Variants in EHD2 observed in about 807,000 individuals in gnomAD.
The protein encoded by EHD2 is EH domain-containing protein 2.
Under a neutral mutation model 41.0 loss-of-function variants are expected in EHD2, and 27 were observed. The observed-to-expected ratio is 0.66, with a 90% confidence interval of 0.49 to 0.91. The LOEUF is 0.91. Among genes scored for constraint, EHD2 ranks in the 40% least tolerant of loss-of-function variants. The probability of loss-of-function intolerance (pLI) is 0.00; values close to 1 mark genes in which losing one functional copy is unlikely to be tolerated. For synonymous variants in EHD2, 342 were observed against 341.0 expected (o/e 1.00, Z -0.03); for missense variants, 673 against 773.9 (o/e 0.87, Z 1.55).
intron 5 of EHD2, among the ~76,000 whole-genome samples, chr19:47,740,537 G>A (rs890970225): frequency 6.6e-6 from 1 of 152,032 alleles, no homozygotes; most frequent in Non-Finnish European, 1.5e-5. Flanking sequence ...CATGAGGTCA[G>A]GAGTTCGAGA....
At chr19:47,722,281 C>A (rs997978288) in intron 3 of EHD2, among the ~76,000 whole-genome samples, 15 of 152,140 alleles carry the variant, frequency 9.9e-5, no homozygotes, top group African/African-American at 3.4e-4. Flanking sequence ...CTTCCCTCCC[C>A]GCCCCATGAG....
Position 47,741,035 on chromosome 19 carries a change from G to C in EHD2, c.1235G>C (p.Gly412Ala). 1 of 1,609,832 alleles carries C rather than the reference G, an allele frequency of 6.2e-7. No homozygotes were observed. The highest frequency in any genetic ancestry group is 8.5e-7 in the Non-Finnish European group (1 of 1,179,644). Residue 412 changes from glycine to alanine, a missense_variant, in exon 6 of 6, where the codon GGC becomes GCC. Coordinates refer to ENST00000263277, the MANE Select transcript of EHD2 (RefSeq NM_014601.4). The surrounding 1 kb of genome is among the most constrained non-coding windows in gnomAD (Gnocchi z 4.5). ...AGCACCGAGGTGGGCGTGCAGGGGG[G>C]CGCTTTTGAGGGCACCCACATGGGC... ...LESTEVGVQGGAFEGTHMGPF... is the reference protein window; with the variant it reads ...LESTEVGVQGAAFEGTHMGPF...
chr19:47,731,280 A>ATATATATATATATATATATATGTG (rs1973808666), intron 4 of EHD2: 1 of 54,730 alleles, frequency 1.8e-5, no homozygotes. Flanking sequence ...AAAAAAAAAA[A>ATATATATATATATATATATATGTG]TATATATATA....
chr19:47,729,636 G>T (rs1036658576), intron 4 of EHD2: 25 of 152,672 alleles, frequency 1.6e-4, no homozygotes, highest in African/African-American at 4.6e-4. Context: ...AAGGTTCTAG[G>T]GGGTGGAGGA....
intron 4 of EHD2, among the ~76,000 whole-genome samples, chr19:47,730,750 C>A (rs940421980): frequency 2.0e-5 from 3 of 151,974 alleles, no homozygotes; most frequent in Non-Finnish European, 4.4e-5. Context: ...TGCTGTGATA[C>A]GTAAGGCCAA....
chr19:47,740,972 C>T lies in EHD2; in HGVS notation c.1172C>T (p.Ala391Val). 1 of 1,612,394 alleles carries T rather than the reference C, an allele frequency of 6.2e-7. No homozygotes were observed. Among genetic ancestry groups the T allele is most frequent in the Non-Finnish European group, 8.5e-7 (1 of 1,179,940 alleles). Residue 391 changes from alanine to valine, a missense_variant, in exon 6 of 6, where the codon GCC (alanine) becomes GTC (valine). Ala to Val is a moderately conservative substitution (Grantham distance 64). Coordinates refer to ENST00000263277, the MANE Select transcript of EHD2 (RefSeq NM_014601.4). ...ALDEMLTHDI[A>V]KLMPLLRQEE... Reference sequence around the variant, plus strand: ...GACGAGATGCTGACGCACGACATCGCCAAGCTCATGCCCCTGCTGCGGCAG... The same window carrying T: ...GACGAGATGCTGACGCACGACATCGTCAAGCTCATGCCCCTGCTGCGGCAG...
chr19:47,731,273 A>ATAT (rs1219980161), intron 4 of EHD2: 19 of 26,658 alleles, frequency 7.1e-4, no homozygotes, highest in African/African-American at 1.4e-3. Flanking sequence ...TCTTTAAAAA[A>ATAT]AAAAAAATAT....
rs200207567 is a variant in EHD2 at position 47,725,816 on chromosome 19, C to T, written c.507C>T (p.Tyr169=). ...GTCTCTCCACTCCCACTCCAGGCTA[C>T]GACTTCCCGGCCGTGCTGCGCTGGT... ...SGAKQRVSRG[Y]DFPAVLRWFA... The change falls in exon 4 of 6, where the codon TAC becomes TAT. Residue 169 remains tyrosine, a synonymous_variant. Coordinates refer to ENST00000263277, the MANE Select transcript of EHD2 (RefSeq NM_014601.4). 8 of 1,576,738 alleles carry T rather than the reference C, an allele frequency of 5.1e-6. No homozygotes were observed. The highest frequency in any genetic ancestry group is 1.3e-5 in the African/African-American group (1 of 74,340).
At position 47,726,135 on chromosome 19, in the gene EHD2, C is replaced by A; in HGVS notation, c.826C>A (p.Gln276Lys). 6.3e-7 allele frequency: 1 copy of A among 1,580,822 alleles called. No individual in the cohort carries two copies. Among genetic ancestry groups the A allele is most frequent in the Non-Finnish European group, 8.6e-7 (1 of 1,164,470 alleles). Reference sequence around the variant, plus strand: ...CCGGCGCCTCTTCGAGCTGGAGGAGCAGGACCTCTTCCGCGACATCCAGGG... The same window carrying A: ...CCGGCGCCTCTTCGAGCTGGAGGAGAAGGACCTCTTCCGCGACATCCAGGG... ...DNRRLFELEE[Q>K]DLFRDIQGLP... The change falls in exon 4 of 6, where the codon CAG becomes AAG. Residue 276 changes from glutamine to lysine, a missense_variant. By Grantham distance (53) the Gln-to-Lys change is moderately conservative. Transcript: ENST00000263277.
rs1024955397 is a variant in EHD2, at chr19:47,740,935, C to T, written c.1135C>T (p.Leu379=). Residue 379 remains leucine (L), a synonymous_variant, in exon 6 of 6, where the codon CTA becomes TTA. Coordinates refer to ENST00000263277, the MANE Select transcript of EHD2 (RefSeq NM_014601.4). ...TKFHSLKPKL[L]EALDEMLTHD... ...GTTTCACTCGCTGAAGCCGAAGCTG[C>T]TAGAGGCACTGGACGAGATGCTGAC... The T allele has an allele frequency of 2.5e-6, 4 of 1,613,262 alleles. No individual in the cohort carries two copies. In the African/African-American group the frequency reaches 5.3e-5, roughly 22 times the overall value.
chr19:47,733,794 GA>G (rs1219319099), intron 4 of EHD2, among the ~76,000 whole-genome samples: 2 of 127,222 alleles, frequency 1.6e-5, no homozygotes, highest in African/African-American at 5.5e-5. Flanking sequence ...CCATTTGGGA[GA>G]AAAAAAGAGT....
At chr19:47,722,429 C>T (rs569978417) in intron 3 of EHD2, among the ~76,000 whole-genome samples, 7 of 152,320 alleles carry the variant, frequency 4.6e-5, no homozygotes, top group Middle Eastern at 3.4e-3. Context: ...CCGGTCCCTG[C>T]GTTGCCCGCA....
intron 3 of EHD2, among the ~76,000 whole-genome samples, chr19:47,724,383 T>A (rs1208560682): frequency 6.6e-6 from 1 of 152,106 alleles, no homozygotes; most frequent in Non-Finnish European, 1.5e-5. Flanking sequence ...TGATTTGCAT[T>A]TTACAGAAAA....
chr19:47,739,229 T>G (rs983179338), intron 5 of EHD2, among the ~76,000 whole-genome samples: 4 of 151,270 alleles, frequency 2.6e-5, no homozygotes, highest in African/African-American at 9.7e-5. Flanking sequence ...CCTCCCAAAG[T>G]AGTTGGGACT....
chr19:47,739,096 C>T (rs967525573), intron 5 of EHD2, among the ~76,000 whole-genome samples: 1 of 151,762 alleles, frequency 6.6e-6, no homozygotes, highest in Admixed American at 6.6e-5. Flanking sequence ...TTTCTCTCCC[C>T]CCCTGCACAC....
intron 4 of EHD2, chr19:47,731,280 A>AAATATATATATATG (rs1491458646): frequency 1.3e-4 from 7 of 54,720 alleles, no homozygotes; most frequent in Admixed American, 4.1e-4. Context: ...AAAAAAAAAA[A>AAATATATATATATG]TATATATATA....
intron 5 of EHD2, among the ~76,000 whole-genome samples, 190 bp downstream of exon 5, chr19:47,736,723 C>T (rs1568593484): frequency 6.6e-6 from 1 of 152,162 alleles, no homozygotes; most frequent in African/African-American, 2.4e-5. Context: ...CCCAAAATAA[C>T]AGTGGCTAAA....
At position 47,736,357 on chromosome 19, in the gene EHD2, C is replaced by A; in HGVS notation, c.916-12C>A. ...ACCCTGATGCAGGCTGAGGTGAGAACCCTTCCCACAGGTTCACGCTTACAT... is the reference window on the plus strand; with the variant it reads ...ACCCTGATGCAGGCTGAGGTGAGAAACCTTCCCACAGGTTCACGCTTACAT... On this transcript the variant is annotated splice_polypyrimidine_tract_variant and intron_variant, in intron 4 of 5. Transcript: ENST00000263277. The A allele has an allele frequency of 1.2e-6, 2 of 1,609,420 alleles. No individual in the cohort carries two copies. The highest frequency in any genetic ancestry group is 1.7e-6 in the Non-Finnish European group (2 of 1,178,280).
In EHD2 at chr19:47,739,274, ATTTTTTT is replaced by A. The variant is rs57266469; in HGVS notation, c.1081-1586_1081-1580del. ...CACCACCACACCTGGCTAATTTTTA[ATTTTTTT>A]TTTTTTTTTTTTTTTTTTTTAAGAA... On this transcript the variant is annotated intron_variant, in intron 5 of 5. Transcript: ENST00000263277. 1.5e-3 allele frequency among the ~76,000 whole-genome samples: 177 copies of A among 116,058 alleles called. 1 individual carries two copies. Among genetic ancestry groups the A allele is most frequent in the Middle Eastern group, 4.8e-3 (1 of 208 alleles). The allele number at this position is 116,058 out of a possible 152,430, so 76.1% of individuals were successfully genotyped here.
Sources: gnomAD v4.1 joint callset for allele counts (sites outside exome capture counted in the v4.1 genomes callset) on GRCh38, gnomAD v4.1.1 for gene constraint, Gnocchi (gnomAD v3.1) non-coding constraint, MANE v1.5 for transcripts, NCBI Gene and HGNC (gene_info 2026-07-23, HGNC 2026-07-21) for gene names.